RCAN2: variants seen among roughly 807,000 people sequenced by gnomAD.
RCAN2 encodes regulator of calcineurin 2, also known as calcipressin-2.
A neutral mutation model predicts 23.6 loss-of-function variants in RCAN2; 9 were observed. The observed-to-expected ratio is 0.38, with a 90% CI of 0.23 to 0.67. RCAN2 has a LOEUF of 0.67. Ranked by LOEUF, RCAN2 falls within the 30% of genes least tolerant of loss-of-function variation. RCAN2 has a pLI of 0.51. For synonymous variants in RCAN2, 109 were observed against 115.7 expected, an observed-to-expected ratio of 0.94 and a Z score of 0.37; for missense variants, 273 against 302.3, an observed-to-expected ratio of 0.90 and a Z score of 0.72.
intron 2 of RCAN2, among the ~76,000 whole-genome samples, chr6:46,306,533 A>G (rs1406350440): frequency 1.3e-5 from 2 of 152,164 alleles, no homozygotes; most frequent in Non-Finnish European, 2.9e-5. Context: ...TGATGGTGAC[A>G]TTTACATCAC....
chr6:46,277,692 A>G (rs1306068935), intron 2 of RCAN2, among the ~76,000 whole-genome samples: 2 of 151,664 alleles, frequency 1.3e-5, no homozygotes, highest in Admixed American at 6.6e-5. Context: ...AATATTTTTT[A>G]TTTATGCCAG....
At chr6:46,355,677 T>C (rs1764807848) in intron 2 of RCAN2, among the ~76,000 whole-genome samples, 1 of 152,212 alleles carries the variant, frequency 6.6e-6, no homozygotes, top group African/African-American at 2.4e-5. Flanking sequence ...ATCTTCAGTT[T>C]TGTTATTTCC....
intron 2 of RCAN2, among the ~76,000 whole-genome samples, chr6:46,336,979 A>C (rs1561864590): frequency 1.3e-5 from 2 of 149,116 alleles, no homozygotes; most frequent in African/African-American, 4.9e-5. Flanking sequence ...CACAGGGAGA[A>C]GTGTTCAAAG....
At chr6:46,427,662 T>C (rs975128283) in intron 2 of RCAN2, among the ~76,000 whole-genome samples, 2 of 152,234 alleles carry the variant, frequency 1.3e-5, no homozygotes, top group Non-Finnish European at 2.9e-5. Flanking sequence ...TCCTGCTCTC[T>C]TAACCCGGAT....
chr6:46,442,954 G>A (rs2150423711), intron 2 of RCAN2, among the ~76,000 whole-genome samples: 1 of 152,216 alleles, frequency 6.6e-6, no homozygotes, highest in African/African-American at 2.4e-5. Flanking sequence ...CCCACACTGG[G>A]CCTCTCATCT....
At chr6:46,363,110 A>G (rs190419283) in intron 2 of RCAN2, among the ~76,000 whole-genome samples, 3 of 152,230 alleles carry the variant, frequency 2.0e-5, no homozygotes, top group African/African-American at 7.2e-5. Flanking sequence ...CCAGAAGCAT[A>G]AAGTGGGAAT....
chr6:46,444,687 G>A (rs1307464003), intron 2 of RCAN2, among the ~76,000 whole-genome samples: 8 of 152,170 alleles, frequency 5.3e-5, no homozygotes, highest in Admixed American at 5.2e-4. Flanking sequence ...TTCCATGCCA[G>A]TCCTGCAGCT....
chr6:46,301,391 C>G (rs139441188), intron 2 of RCAN2, among the ~76,000 whole-genome samples: 1 of 152,206 alleles, frequency 6.6e-6, no homozygotes, highest in East Asian at 1.9e-4. Flanking sequence ...ACCCTGGGAA[C>G]TTGGCCAGAG....
At chr6:46,475,733 C>T (rs182875688) in intron 1 of RCAN2, among the ~76,000 whole-genome samples, 22 of 152,196 alleles carry the variant, frequency 1.4e-4, no homozygotes, top group African/African-American at 4.3e-4. Flanking sequence ...AATGGCTACT[C>T]GACTCTATGA....
chr6:46,317,034 T>A (rs1354465919), intron 2 of RCAN2, among the ~76,000 whole-genome samples: 1 of 152,174 alleles, frequency 6.6e-6, no homozygotes, highest in Non-Finnish European at 1.5e-5. Flanking sequence ...ATATTATTAA[T>A]ATTGCTTTCA....
chr6:46,304,133 C>A (rs922046554), intron 2 of RCAN2, among the ~76,000 whole-genome samples: 4 of 152,104 alleles, frequency 2.6e-5, no homozygotes, highest in Non-Finnish European at 5.9e-5. Context: ...TGCTTCTAGC[C>A]ACCCTGTTGG....
intron 2 of RCAN2, among the ~76,000 whole-genome samples, chr6:46,387,994 A>T (rs907392921): frequency 3.3e-5 from 5 of 152,130 alleles, no homozygotes; most frequent in African/African-American, 9.7e-5. Flanking sequence ...TCAGCAAACT[A>T]TCACAAGAAC....
At chr6:46,482,078 T>G (rs995592525) in intron 1 of RCAN2, among the ~76,000 whole-genome samples, 1 of 151,904 alleles carries the variant, frequency 6.6e-6, no homozygotes, top group Non-Finnish European at 1.5e-5. Flanking sequence ...TAAAAAACAC[T>G]TGGGGAAAAA....
intron 1 of RCAN2, among the ~76,000 whole-genome samples, chr6:46,486,982 A>G (rs1582240774): frequency 6.6e-6 from 1 of 152,226 alleles, no homozygotes; most frequent in South Asian, 2.1e-4. Flanking sequence ...CTTACAATAT[A>G]TGACACCTAG....
chr6:46,366,708 T>C (rs1426054550), intron 2 of RCAN2, among the ~76,000 whole-genome samples: 1 of 151,938 alleles, frequency 6.6e-6, no homozygotes, highest in East Asian at 1.9e-4. Flanking sequence ...TCAGCAGGAA[T>C]CCTGGTAGGC....
At chr6:46,474,822 G>A (rs1768668452) in intron 1 of RCAN2, among the ~76,000 whole-genome samples, 1 of 152,212 alleles carries the variant, frequency 6.6e-6, no homozygotes, top group East Asian at 1.9e-4. Context: ...TTGGGGGTGA[G>A]TAGCTGGGAA....
intron 2 of RCAN2, chr6:46,325,679 C>T: frequency 7.3e-7 from 1 of 1,375,532 alleles, no homozygotes; most frequent in Non-Finnish European, 9.4e-7. Context: ...TAACGAACGG[C>T]CCGGCTCGCT....
intron 2 of RCAN2, among the ~76,000 whole-genome samples, chr6:46,255,223 C>T (rs913297059): frequency 2.0e-5 from 3 of 151,774 alleles, no homozygotes; most frequent in Non-Finnish European, 4.4e-5. Context: ...TTGGGTCATT[C>T]CAAGGTGATG....
At chr6:46,416,277 C>T (rs1766713820) in intron 2 of RCAN2, among the ~76,000 whole-genome samples, 1 of 150,776 alleles carries the variant, frequency 6.6e-6, no homozygotes, top group African/African-American at 2.4e-5. Context: ...CTTAAGGCAC[C>T]AATCACCTCT....
Sources: gnomAD v4.1 joint callset for allele counts (sites outside exome capture counted in the v4.1 genomes callset) on GRCh38, gnomAD v4.1.1 for gene constraint, MANE v1.5 for transcripts, NCBI Gene and HGNC (gene_info 2026-07-23, HGNC 2026-07-21) for gene names.